Variants in CDK13 observed in about 807,000 individuals in gnomAD.
CDK13 encodes the protein cyclin-dependent kinase 13.
CDK13 carries 40 observed loss-of-function variants against 137.6 expected under a neutral mutation model. The observed-to-expected ratio is 0.29, with a 90% CI of 0.23 to 0.38. The LOEUF (loss-of-function observed/expected upper bound fraction) is 0.38. Ranked by LOEUF, CDK13 falls within the 10% of genes least tolerant of loss-of-function variation. CDK13 has a pLI of 1.00. For synonymous variants in CDK13, 869 were observed against 760.1 expected (o/e 1.14, Z -2.36); for missense variants, 1,704 against 1,951.8 (o/e 0.87, Z 2.39).
chr7:39,999,479 AAAG>A lies in CDK13; in HGVS notation c.2162_2164del (p.Lys721_Ala722delinsThr). ...AGAAGGTACTTACGGACAAGTTTAC[AAAG>A]CCAGGGATAAAGACACTGGTAAGAA... On this transcript the variant is annotated inframe_deletion, in exon 4 of 14. Transcript: ENST00000181839. 6.2e-7 allele frequency: 1 copy of A among 1,610,956 alleles called. No individual in the cohort carries two copies. The highest frequency in any genetic ancestry group is 2.2e-5 in the East Asian group (1 of 44,682).
chr7:40,064,899 C>T (rs1057450146), intron 9 of CDK13, among the ~76,000 whole-genome samples: 3 of 148,858 alleles, frequency 2.0e-5, no homozygotes, highest in Non-Finnish European at 4.4e-5. Context: ...CCAAACAATC[C>T]TCCTGCCTCA....
At chr7:39,959,831 C>G (rs564105219) in intron 1 of CDK13, among the ~76,000 whole-genome samples, 1 of 117,076 alleles carries the variant, frequency 8.5e-6, no homozygotes, top group South Asian at 3.3e-4. Context: ...TGTGTTATAG[C>G]TACTAACTTG....
At chr7:40,082,361 C>T (rs1384553630) in intron 11 of CDK13, among the ~76,000 whole-genome samples, 1 of 151,866 alleles carries the variant, frequency 6.6e-6, no homozygotes, top group Non-Finnish European at 1.5e-5. Context: ...GTGGCGGGTG[C>T]CTGTAATCCC....
chr7:39,960,902 T>C lies in CDK13; in HGVS notation c.1211+9050T>C, dbSNP rs143343839. On this transcript the variant is annotated intron_variant, in intron 1 of 13. Transcript: ENST00000181839. The stretch of plus-strand genomic sequence containing the variant: ...TTTATTTTTTATTGACAAATAATTG[T>C]ATATGTTTATGTGTGTGATGTTTTG... 2.3e-3 allele frequency among the ~76,000 whole-genome samples: 345 copies of C among 152,344 alleles called. 1 individual carries two copies. Among genetic ancestry groups the C allele is most frequent in the African/African-American group, 7.9e-3 (327 of 41,586 alleles).
rs1784366766 is a variant in CDK13, at chr7:39,987,648, A to C, written c.1261A>C (p.Arg421=). The part of the protein sequence containing the change: ...SRSPYSSRHS[R]SRSRHRLSRS... Reference sequence around the variant, plus strand: ...AAGCCCGTATTCATCTAGGCATTCAAGATCTCGTAGCAGGCACAGATTGTC... The same window carrying C: ...AAGCCCGTATTCATCTAGGCATTCACGATCTCGTAGCAGGCACAGATTGTC... Residue 421 remains arginine (R), a synonymous_variant, in exon 2 of 14, where the codon AGA becomes CGA. Coordinates refer to ENST00000181839, the MANE Select transcript of CDK13 (RefSeq NM_003718.5). The C allele has an allele frequency of 3.7e-6, 6 of 1,611,678 alleles. No individual in the cohort carries two copies. Among genetic ancestry groups the C allele is most frequent in the Non-Finnish European group, 4.2e-6 (5 of 1,179,420 alleles).
chr7:40,029,620 T>TGAGAGA (rs371626943), intron 5 of CDK13, among the ~76,000 whole-genome samples: 4 of 145,902 alleles, frequency 2.7e-5, no homozygotes, highest in Non-Finnish European at 6.1e-5. Context: ...CTCGGGAGGC[T>TGAGAGA]GAGAGAGAGA....
chr7:40,028,006 GT>G lies in CDK13; in HGVS notation c.2354-17815del, dbSNP rs77541855. On this transcript the variant is annotated intron_variant, in intron 5 of 13. Transcript: ENST00000181839. ...CTCAGAAGATTGAGAAATTAACCTT[GT>G]TTTTTTTTTTTTTTAAATTAGTGTA... Among the ~76,000 whole-genome samples the G allele has an allele frequency of 6.5e-3, 919 of 141,146 alleles. 1 individual carries two copies. Among genetic ancestry groups the G allele is most frequent in the African/African-American group, 0.016 (619 of 38,356 alleles). 92.6% of individuals were successfully genotyped at this position (141,146 alleles called of 152,430 possible).
chr7:40,027,363 A>G (rs1397478652), intron 5 of CDK13, among the ~76,000 whole-genome samples: 2 of 152,110 alleles, frequency 1.3e-5, no homozygotes, highest in Non-Finnish European at 2.9e-5. Context: ...ACAAACAAAC[A>G]AAAAAACTTT....
intron 7 of CDK13, among the ~76,000 whole-genome samples, chr7:40,053,503 T>C (rs1785940723): frequency 6.6e-6 from 1 of 152,354 alleles, no homozygotes; most frequent in South Asian, 2.1e-4. Context: ...TGTAGTTCCC[T>C]AAACTTGCTG....
At position 40,097,671 on chromosome 7, in the gene CDK13, A is replaced by G. The variant is rs1374548303; in HGVS notation, c.*2691A>G. On this transcript the variant is annotated 3_prime_UTR_variant, in exon 14 of 14. Coordinates refer to ENST00000181839, the MANE Select transcript of CDK13 (RefSeq NM_003718.5). ...ATTTGACCTGCCAAAAGAAGAAAGT[A>G]TTTATCTTCTCCCACGTGAAATTCC... 1 of 152,130 alleles carries G rather than the reference A, an allele frequency of 6.6e-6. No individual in the cohort carries two copies. The highest frequency in any genetic ancestry group is 1.5e-5 in the Non-Finnish European group (1 of 67,984). 9.4% of individuals were successfully genotyped at this position (152,130 alleles called of 1,614,324 possible).
chr7:40,013,934 G>C (rs1197799245), intron 5 of CDK13, among the ~76,000 whole-genome samples: 1 of 151,708 alleles, frequency 6.6e-6, no homozygotes, highest in Non-Finnish European at 1.5e-5. Flanking sequence ...CTATGCCAAG[G>C]AACCAAAATA....
chr7:39,962,650 G>A (rs892159492), intron 1 of CDK13, among the ~76,000 whole-genome samples: 7 of 152,162 alleles, frequency 4.6e-5, no homozygotes, highest in Admixed American at 2.6e-4. Context: ...GATCCCGTTC[G>A]TCAATTTTGA....
intron 7 of CDK13, chr7:40,062,482 G>A (rs1318522941): frequency 3.0e-5 from 6 of 198,848 alleles, no homozygotes; most frequent in South Asian, 8.4e-5. Flanking sequence ...GGGTTTCACC[G>A]TGTTAGCCAG....
chr7:40,048,153 A>G lies in CDK13; in HGVS notation c.2600+276A>G, dbSNP rs798853. The G allele has an allele frequency of 0.97, 280,719 of 290,536 alleles. 135,661 individuals carry two copies. The highest frequency in any genetic ancestry group is 1 in the East Asian group (16,491 of 16,492). The allele number at this position is 290,536 out of a possible 1,614,324, so 18.0% of individuals were successfully genotyped here. A position where few individuals can be genotyped will look rare whatever the true frequency, so the allele number is the denominator to read the frequency against. ...ACTGAAGTGAACTTAAATTTCTAAT[A>G]CGTATTCAGATATTAAATATTCTTA... On this transcript the variant is annotated intron_variant, in intron 7 of 13. Transcript: ENST00000181839.
rs1161788357 is a variant in CDK13, at chr7:40,088,221, C to T, written c.3125C>T (p.Ala1042Val). Residue 1042 changes from alanine (A) to valine (V), a missense_variant, in exon 12 of 14, where the codon GCC becomes GTC. By Grantham distance (64) the Ala-to-Val change is moderately conservative (BLOSUM62 0). Transcript: ENST00000181839. ...GMTDDVSTIK[A>V]PRKDLSLGLD... is the part of the protein sequence containing the mutation. ...ACTGATGATGTTTCCACAATTAAAGCCCCCAGGAAGGACTTGTCTCTGGGC... is the reference window on the plus strand; with the variant it reads ...ACTGATGATGTTTCCACAATTAAAGTCCCCAGGAAGGACTTGTCTCTGGGC... The T allele has an allele frequency of 1.1e-5, 18 of 1,613,704 alleles. No homozygotes were observed. Among genetic ancestry groups the T allele is most frequent in the African/African-American group, 6.7e-5 (5 of 74,838 alleles).
rs149983717 is a variant in CDK13, at chr7:40,050,261, G to A, written c.2600+2384G>A. On this transcript the variant is annotated intron_variant, in intron 7 of 13. Transcript: ENST00000181839. ...GGGTGTATAGTTAAGTTTTCAATTC[G>A]CAATTTTTTATTCTTTCTGTCATAT... Among the ~76,000 whole-genome samples the A allele has an allele frequency of 7.2e-5, 11 of 152,210 alleles. No individual in the cohort carries two copies. In the East Asian group the frequency reaches 9.6e-4, roughly 13 times the overall value.
chr7:40,044,872 A>G (rs1429975924), intron 5 of CDK13, among the ~76,000 whole-genome samples: 1 of 151,946 alleles, frequency 6.6e-6, no homozygotes, highest in Non-Finnish European at 1.5e-5. Context: ...TCCTGACCTC[A>G]TGATCCGCCC....
intron 5 of CDK13, among the ~76,000 whole-genome samples, chr7:40,002,988 A>T (rs1490398604): frequency 6.6e-6 from 1 of 151,824 alleles, no homozygotes; most frequent in East Asian, 1.9e-4. Context: ...CTGAGGCAGG[A>T]GGATCTCTTG....
intron 1 of CDK13, among the ~76,000 whole-genome samples, chr7:39,954,641 T>C (rs971855938): frequency 6.6e-6 from 1 of 152,260 alleles, no homozygotes; most frequent in African/African-American, 2.4e-5. Flanking sequence ...ACAGACCATG[T>C]GTAATGCTGT....
Sources: allele counts gnomAD v4.1 joint callset (sites outside exome capture counted in the v4.1 genomes callset), GRCh38; gene constraint gnomAD v4.1.1; transcripts MANE v1.5; gene names NCBI Gene and HGNC (gene_info 2026-07-23, HGNC 2026-07-21).